RFX3: variants seen among roughly 807,000 people sequenced by gnomAD.
RFX3 encodes transcription factor RFX3.
In RFX3, 14 loss-of-function variants were observed where a neutral mutation model predicts 98.6. The observed-to-expected ratio is 0.14, with a 90% CI of 0.09 to 0.22. RFX3 has a LOEUF of 0.22. RFX3 is among the 10% of genes least tolerant of loss of function. The probability of loss-of-function intolerance (pLI) is 1.00; values close to 1 mark genes in which losing one functional copy is unlikely to be tolerated. For missense variants in RFX3, 639 were observed against 926.9 expected (o/e 0.69, Z 4.03); for synonymous variants, 383 against 328.4 (o/e 1.17, Z -1.80).
At chr9:3,505,270 A>ATTT (rs1447037717) in intron 1 of RFX3, among the ~76,000 whole-genome samples, 5 of 74,694 alleles carry the variant, frequency 6.7e-5, no homozygotes, top group African/African-American at 4.4e-4. Flanking sequence ...ATTTATATAT[A>ATTT]TATGAATATA....
intron 1 of RFX3, among the ~76,000 whole-genome samples, chr9:3,483,094 A>C (rs947064943): frequency 6.6e-6 from 1 of 152,160 alleles, no homozygotes; most frequent in Admixed American, 6.5e-5. Context: ...TAAATACTTA[A>C]AATCAATTAT....
At chr9:3,326,583 G>A (rs530292237) in intron 4 of RFX3, among the ~76,000 whole-genome samples, 5 of 152,168 alleles carry the variant, frequency 3.3e-5, no homozygotes, top group Admixed American at 2.0e-4. Flanking sequence ...AGAACATGCA[G>A]TATTTGGTTT....
At chr9:3,326,577 C>T (rs547798114) in intron 4 of RFX3, among the ~76,000 whole-genome samples, 12 of 152,254 alleles carry the variant, frequency 7.9e-5, no homozygotes, top group African/African-American at 2.9e-4. Flanking sequence ...CAAGTGAGAA[C>T]ATGCAGTATT....
At chr9:3,332,926 T>C (rs1832760017) in intron 3 of RFX3, among the ~76,000 whole-genome samples, 1 of 152,214 alleles carries the variant, frequency 6.6e-6, no homozygotes, top group Admixed American at 6.5e-5. Flanking sequence ...CTCAAAATTA[T>C]TTTCTGCATC....
chr9:3,304,054 G>A (rs1828991851), intron 4 of RFX3, among the ~76,000 whole-genome samples: 1 of 151,940 alleles, frequency 6.6e-6, no homozygotes, highest in African/African-American at 2.4e-5. Context: ...TCTTCTACAA[G>A]GAAGACACCA....
intron 1 of RFX3, among the ~76,000 whole-genome samples, chr9:3,483,795 A>C (rs1850016841): frequency 6.6e-6 from 1 of 152,198 alleles, no homozygotes; most frequent in Non-Finnish European, 1.5e-5. Context: ...TTTGAGTCTG[A>C]TTTTATACAT....
intron 4 of RFX3, among the ~76,000 whole-genome samples, chr9:3,318,934 G>C (rs1387802933): frequency 6.6e-6 from 1 of 152,174 alleles, no homozygotes; most frequent in Non-Finnish European, 1.5e-5. Context: ...GTGGAGCCCA[G>C]ATTCCCCCAC....
intron 1 of RFX3, among the ~76,000 whole-genome samples, chr9:3,444,496 T>C (rs923376034): frequency 2.7e-4 from 41 of 152,128 alleles, no homozygotes; most frequent in African/African-American, 9.2e-4. Flanking sequence ...ATATACACTA[T>C]CTTGATTGTA....
chr9:3,362,552 A>G (rs1257333255), intron 2 of RFX3, among the ~76,000 whole-genome samples: 2 of 152,236 alleles, frequency 1.3e-5, no homozygotes, highest in Admixed American at 1.3e-4. Flanking sequence ...ACAGGGTTGC[A>G]GTTAAACATG....
chr9:3,333,404 G>C (rs1036818452), intron 3 of RFX3, among the ~76,000 whole-genome samples: 31 of 151,536 alleles, frequency 2.0e-4, no homozygotes, highest in African/African-American at 7.3e-4. Flanking sequence ...GTTTAGTCTG[G>C]GGTGATGATA....
chr9:3,346,726 G>C lies in RFX3; in HGVS notation c.156C>G (p.Val52=). ...QVQTVQQVQH[V]YPAQVQYVEG... Reference sequence around the variant, plus strand: ...CCACATACTGCACCTGAGCGGGATAGACATGTTGTACCTGCTGCACAGTCT... The same window carrying C: ...CCACATACTGCACCTGAGCGGGATACACATGTTGTACCTGCTGCACAGTCT... The change falls in exon 3 of 17, where the codon GTC becomes GTG. Residue 52 remains valine (V), a synonymous_variant. Coordinates refer to ENST00000617270, the MANE Select transcript of RFX3 (RefSeq NM_001282116.2). The C allele has an allele frequency of 6.2e-7, 1 of 1,613,762 alleles. No homozygotes were observed. Among genetic ancestry groups the C allele is most frequent in the Non-Finnish European group, 8.5e-7 (1 of 1,179,716 alleles).
At chr9:3,428,987 A>C (rs976026395) in intron 1 of RFX3, among the ~76,000 whole-genome samples, 1 of 151,766 alleles carries the variant, frequency 6.6e-6, no homozygotes, top group Non-Finnish European at 1.5e-5. Context: ...AAAACGTTTT[A>C]ATTTCTTTAA....
intron 1 of RFX3, among the ~76,000 whole-genome samples, chr9:3,451,113 T>C (rs1846582613): frequency 6.6e-6 from 1 of 151,978 alleles, no homozygotes; most frequent in Non-Finnish European, 1.5e-5. Flanking sequence ...TAAAACACAA[T>C]GATGAAAGTG....
chr9:3,362,577 T>C (rs1196419487), intron 2 of RFX3, among the ~76,000 whole-genome samples: 4 of 152,208 alleles, frequency 2.6e-5, no homozygotes, highest in Admixed American at 6.5e-5. Flanking sequence ...TTATGCTTTA[T>C]AGGAATTATT....
At chr9:3,282,720 A>C (rs1320187737) in intron 7 of RFX3, among the ~76,000 whole-genome samples, 1 of 151,776 alleles carries the variant, frequency 6.6e-6, no homozygotes, top group Non-Finnish European at 1.5e-5. Flanking sequence ...CACTTCTTTT[A>C]TCTCTTACCC....
At chr9:3,497,726 AC>A (rs1851214336) in intron 1 of RFX3, among the ~76,000 whole-genome samples, 1 of 151,974 alleles carries the variant, frequency 6.6e-6, no homozygotes, top group South Asian at 2.1e-4. Flanking sequence ...AAAATTGCTT[AC>A]ACTATACCAT....
rs1839051613 is a variant in RFX3 at position 3,380,381 on chromosome 9, T to C, written c.117+15091A>G. On this transcript the variant is annotated intron_variant, in intron 2 of 16. Coordinates refer to ENST00000617270, the MANE Select transcript of RFX3 (RefSeq NM_001282116.2). ...ACATCCCCTATGTATACCTCAGACA[T>C]TACCATTCTTTATGTCATCTTCTGT... Among the ~76,000 whole-genome samples, 3 of 152,170 alleles carry C rather than the reference T, an allele frequency of 2.0e-5. No homozygotes were observed. In the South Asian group the frequency reaches 6.2e-4, roughly 32 times the overall value.
At chr9:3,318,991 G>C (rs1830951623) in intron 4 of RFX3, among the ~76,000 whole-genome samples, 1 of 152,182 alleles carries the variant, frequency 6.6e-6, no homozygotes, top group African/African-American at 2.4e-5. Context: ...TAGTTTCTGA[G>C]ACATCAAGTA....
intron 1 of RFX3, among the ~76,000 whole-genome samples, chr9:3,427,654 C>T (rs764431808): frequency 6.6e-6 from 1 of 151,408 alleles, no homozygotes; most frequent in Non-Finnish European, 1.5e-5. Flanking sequence ...TGAGAAAATC[C>T]CAAGGTGTTT....
Sources: gnomAD v4.1 joint callset for allele counts (sites outside exome capture counted in the v4.1 genomes callset) on GRCh38, gnomAD v4.1.1 for gene constraint, MANE v1.5 for transcripts, NCBI Gene and HGNC (gene_info 2026-07-23, HGNC 2026-07-21) for gene names.